Variants in P4HA2 observed in about 807,000 individuals in gnomAD.
P4HA2 encodes prolyl 4-hydroxylase subunit alpha 2, also known as prolyl 4-hydroxylase subunit alpha-2.
A neutral mutation model predicts 76.9 loss-of-function variants in P4HA2; 46 were observed. The observed-to-expected ratio is 0.60, with a 90% CI of 0.47 to 0.76. The LOEUF (loss-of-function observed/expected upper bound fraction) is 0.76. Ranked by LOEUF, P4HA2 falls within the 30% of genes least tolerant of loss-of-function variation. The pLI, the probability that P4HA2 is intolerant of heterozygous loss-of-function variation, is 0.00. For missense variants in P4HA2, 583 were observed against 669.4 expected (o/e 0.87, Z 1.42); for synonymous variants, 243 against 254.0 (o/e 0.96, Z 0.41).
rs148453847 is a variant in P4HA2, at chr5:132,209,281, A to G, written c.760T>C (p.Leu254=). The G allele has an allele frequency of 2.1e-5, 34 of 1,614,124 alleles. No individual in the cohort carries two copies. Among genetic ancestry groups the G allele is most frequent in the Admixed American group, 5.0e-5 (3 of 60,014 alleles). Residue 254 remains leucine, a synonymous_variant, in exon 7 of 15, where the codon TTG becomes CTG. Coordinates refer to ENST00000360568, the MANE Select transcript of P4HA2 (RefSeq NM_001017974.2). ...AACGTTTTTTCTCTCTCTTCCTCCA[A>G]TAACTGCTCAAAGTACCGCAGATTC... The part of the protein sequence containing the change: ...GGNLRYFEQL[L]EEEREKTLTN...
intron 12 of P4HA2, among the ~76,000 whole-genome samples, chr5:132,197,671 C>G (rs550582790): frequency 3.4e-5 from 5 of 146,614 alleles, no homozygotes; most frequent in Non-Finnish European, 7.5e-5. Context: ...CATGGATAAA[C>G]CTTGAGGACA....
Position 132,195,494 on chromosome 5 carries a change from A to C in P4HA2, c.1366-14T>G, listed in dbSNP as rs1024358779. 2 of 1,603,842 alleles carry C rather than the reference A, an allele frequency of 1.2e-6. No individual in the cohort carries two copies. Among genetic ancestry groups the C allele is most frequent in the Non-Finnish European group, 1.7e-6 (2 of 1,170,676 alleles). On this transcript the variant is annotated splice_polypyrimidine_tract_variant and intron_variant, in intron 12 of 14. Transcript: ENST00000360568. ...TACATCACTCATCTGGAAATATAAG[A>C]CATAGAGCTTGACCCTCCTACCCAA...
intron 8 of P4HA2, among the ~76,000 whole-genome samples, chr5:132,204,371 C>T (rs1423831594): frequency 6.6e-6 from 1 of 152,150 alleles, no homozygotes; most frequent in Non-Finnish European, 1.5e-5. Flanking sequence ...CTGGCTATTG[C>T]CCTGCTCGGT....
At chr5:132,225,854 C>A (rs1180323073) in intron 1 of P4HA2, among the ~76,000 whole-genome samples, 1 of 152,212 alleles carries the variant, frequency 6.6e-6, no homozygotes, top group East Asian at 1.9e-4. Context: ...ACCAAGTCTG[C>A]CTGCTGAGCT....
chr5:132,203,960 G>C (rs371487693), intron 9 of P4HA2, 113 bp from the exon 10 acceptor site: 1 of 1,142,102 alleles, frequency 8.8e-7, no homozygotes, highest in African/African-American at 1.5e-5. Context: ...CAGGATGCCT[G>C]CTGCAAGGGG....
intron 1 of P4HA2, among the ~76,000 whole-genome samples, chr5:132,223,116 C>T (rs1448895026): frequency 6.6e-6 from 1 of 152,236 alleles, no homozygotes; most frequent in African/African-American, 2.4e-5. Context: ...GAATCTCTGG[C>T]TCCTCTCACT....
rs576988827 is a variant in P4HA2, at chr5:132,208,805, A to G, written c.903+333T>C. Among the ~76,000 whole-genome samples, 79 of 152,094 alleles carry G rather than the reference A, an allele frequency of 5.2e-4. 1 individual carries two copies. The highest frequency in any genetic ancestry group is 3.2e-4 in the Non-Finnish European group (22 of 67,982). On this transcript the variant is annotated intron_variant, in intron 7 of 14. Transcript: ENST00000360568. Reference sequence around the variant, plus strand: ...TACCACAGAGACTTACTCTCCACTTATACCATGACTTCTTTTGGGGCCTGA... The same window carrying G: ...TACCACAGAGACTTACTCTCCACTTGTACCATGACTTCTTTTGGGGCCTGA...
At chr5:132,205,839 C>T (rs1242920444) in intron 8 of P4HA2, among the ~76,000 whole-genome samples, 1 of 152,216 alleles carries the variant, frequency 6.6e-6, no homozygotes, top group Non-Finnish European at 1.5e-5. Context: ...TGTGCCTCAG[C>T]ATTGGCCTGA....
intron 14 of P4HA2, among the ~76,000 whole-genome samples, chr5:132,194,630 G>C (rs560633710): frequency 6.6e-6 from 1 of 152,276 alleles, no homozygotes; most frequent in Non-Finnish European, 1.5e-5. Flanking sequence ...TCTCCACTCT[G>C]CTCCCTCAGA....
chr5:132,200,779 T>G (rs1303419368), intron 10 of P4HA2: 3 of 152,246 alleles, frequency 2.0e-5, no homozygotes, highest in Non-Finnish European at 4.4e-5. Flanking sequence ...AAAGTATGAC[T>G]GCATTTTCCA....
chr5:132,208,548 C>A (rs892348716), intron 7 of P4HA2, among the ~76,000 whole-genome samples: 2 of 151,738 alleles, frequency 1.3e-5, no homozygotes, highest in South Asian at 2.1e-4. Context: ...CACCTCACAT[C>A]CTCAAGTCCC....
At chr5:132,219,606 CA>C (rs1487368194) in intron 1 of P4HA2, among the ~76,000 whole-genome samples, 6 of 152,182 alleles carry the variant, frequency 3.9e-5, no homozygotes, top group South Asian at 4.1e-4. Flanking sequence ...ATCTGTACCC[CA>C]GCTCTGCCGG....
rs928422378 is a variant in P4HA2 at position 132,227,835 on chromosome 5, C to CG, written c.-65dup. The stretch of plus-strand genomic sequence containing the variant: ...GCGTTTCCAGAACCTCCCGCGGCGT[C>CG]GCCCGGTCAGCTCGGCGCCTCCTCC... On this transcript the variant is annotated 5_prime_UTR_variant, in exon 1 of 15. Transcript: ENST00000360568. 1.3e-5 allele frequency: 2 copies of CG among 152,314 alleles called. No individual in the cohort carries two copies. Among genetic ancestry groups the CG allele is most frequent in the Non-Finnish European group, 2.9e-5 (2 of 68,116 alleles). The allele number at this position is 152,314 out of a possible 1,614,324, so 9.4% of individuals were successfully genotyped here.
chr5:132,198,103 A>G lies in P4HA2; in HGVS notation c.1365+218T>C, dbSNP rs969909959. The G allele has an allele frequency of 1.7e-5, 26 of 1,543,830 alleles. No individual in the cohort carries two copies. In the African/African-American group the frequency reaches 2.5e-4, roughly 15 times the overall value. ...TGCTGAGAGCCAGAAGGACCTGACC[A>G]TTACTTAACAGCAGATGAGATCAGC... On this transcript the variant is annotated intron_variant, in intron 12 of 14. Coordinates refer to ENST00000360568, the MANE Select transcript of P4HA2 (RefSeq NM_001017974.2).
Position 132,194,955 on chromosome 5 carries a change from G to A in P4HA2, c.1502C>T (p.Ala501Val). The change falls in exon 14 of 15, where the codon GCC becomes GTC. Residue 501 changes from alanine (A) to valine (V), a missense_variant. Physicochemically the swap from Ala to Val is moderately conservative, Grantham distance 64 (BLOSUM62 0). Coordinates refer to ENST00000360568, the MANE Select transcript of P4HA2 (RefSeq NM_001017974.2). ...GEGDYRTRHA[A>V]CPVLVGCKWV... is the part of the protein sequence containing the mutation. The stretch of plus-strand genomic sequence containing the variant: ...CTTGCAGCCCACAAGCACAGGGCAG[G>A]CAGCATGTCTTGTTCGGTAGTCACC... The A allele has an allele frequency of 6.2e-7, 1 of 1,613,192 alleles. No homozygotes were observed. Among genetic ancestry groups the A allele is most frequent in the Non-Finnish European group, 8.5e-7 (1 of 1,179,100 alleles).
At chr5:132,220,960 A>G (rs1754578000) in intron 1 of P4HA2, among the ~76,000 whole-genome samples, 1 of 152,160 alleles carries the variant, frequency 6.6e-6, no homozygotes, top group Non-Finnish European at 1.5e-5. Flanking sequence ...ATCAACACTG[A>G]CATCTCTGGC....
intron 4 of P4HA2, among the ~76,000 whole-genome samples, chr5:132,216,101 T>G (rs544846458): frequency 2.2e-4 from 31 of 140,512 alleles, no homozygotes; most frequent in Admixed American, 5.4e-4. Flanking sequence ...GAGGCAGAGG[T>G]TGCAGTGAGC....
Position 132,217,182 on chromosome 5 carries a change from C to T in P4HA2, c.331+15G>A, listed in dbSNP as rs2126617717. ...ACATATGGGCTCACTCAAGCACCTG[C>T]TCACCGTCCCTCACCTGCAGCTGAG... On this transcript the variant is annotated intron_variant, in intron 4 of 14. Coordinates refer to ENST00000360568, the MANE Select transcript of P4HA2 (RefSeq NM_001017974.2). 6.2e-7 allele frequency: 1 copy of T among 1,612,476 alleles called. No homozygotes were observed. The highest frequency in any genetic ancestry group is 8.5e-7 in the Non-Finnish European group (1 of 1,179,050).
At chr5:132,198,077 G>A (rs1750933552) in intron 12 of P4HA2, 1 of 1,472,928 alleles carries the variant, frequency 6.8e-7, no homozygotes, top group African/African-American at 1.4e-5. Context: ...GCCAAGAAGG[G>A]TGCTGAGAGC....
Sources: gnomAD v4.1 joint callset for allele counts (sites outside exome capture counted in the v4.1 genomes callset) on GRCh38, gnomAD v4.1.1 for gene constraint, MANE v1.5 for transcripts, NCBI Gene and HGNC (gene_info 2026-07-23, HGNC 2026-07-21) for gene names.